Variants in AOPEP observed in about 807,000 individuals in gnomAD.
AOPEP encodes the protein aminopeptidase O (putative).
In AOPEP, 77 loss-of-function variants were observed where a neutral mutation model predicts 98.1. The ratio of observed to expected loss-of-function variants is 0.78; its 90% CI spans 0.65 to 0.95. AOPEP has a LOEUF of 0.95. Ranked by LOEUF, AOPEP falls within the 40% of genes least tolerant of loss-of-function variation. The probability of loss-of-function intolerance (pLI) is 0.00; values close to 1 mark genes in which losing one functional copy is unlikely to be tolerated. For synonymous variants in AOPEP, 346 were observed against 365.3 expected, an observed-to-expected ratio of 0.95 and a Z score of 0.60; for missense variants, 1,024 against 1,024.7, an observed-to-expected ratio of 1.00 and a Z score of 0.01.
At chr9:94,793,450 C>T (rs879276585) in intron 4 of AOPEP, among the ~76,000 whole-genome samples, 8 of 152,058 alleles carry the variant, frequency 5.3e-5, no homozygotes, top group Non-Finnish European at 1.2e-4. Flanking sequence ...GAGGCTGAGG[C>T]GGGTCGATCA....
intron 5 of AOPEP, among the ~76,000 whole-genome samples, chr9:94,837,394 G>T (rs2041742600): frequency 6.6e-6 from 1 of 152,184 alleles, no homozygotes; most frequent in Admixed American, 6.5e-5. Context: ...AATCCTCTCT[G>T]CATGATTCTA....
chr9:95,135,540 G>A, the AOPEP span: 1 of 1,590,066 alleles, frequency 6.3e-7, no homozygotes, highest in Non-Finnish European at 8.6e-7. Context: ...AAACAGAAAT[G>A]GCTCACTGAA....
chr9:94,949,400 C>A (rs1216395415), intron 7 of AOPEP, among the ~76,000 whole-genome samples: 2 of 152,216 alleles, frequency 1.3e-5, no homozygotes, highest in African/African-American at 2.4e-5. Flanking sequence ...GCTGAGACTT[C>A]TTATGGGTAC....
chr9:95,033,510 G>T (rs763659085), intron 13 of AOPEP, among the ~76,000 whole-genome samples: 3 of 152,136 alleles, frequency 2.0e-5, no homozygotes, highest in Non-Finnish European at 4.4e-5. Flanking sequence ...GATTCTTCAT[G>T]TTTAGAAAGG....
rs1405175649 is a variant in AOPEP at position 94,993,566 on chromosome 9, C to T, written c.1978-11592C>T. On this transcript the variant is annotated intron_variant, in intron 11 of 16. Transcript: ENST00000375315. ...TATTTGGGGTTGAAATGATCAAACCCAGATGCTTTCCTAAAATTATATTTT... is the reference window on the plus strand; with the variant it reads ...TATTTGGGGTTGAAATGATCAAACCTAGATGCTTTCCTAAAATTATATTTT... Among the ~76,000 whole-genome samples, 5 of 152,124 alleles carry T rather than the reference C, an allele frequency of 3.3e-5. No homozygotes were observed. The East Asian group carries it at 9.6e-4, about 29-fold the overall frequency.
At position 94,771,611 on chromosome 9, in the gene AOPEP, G is replaced by A. The variant is rs570840148; in HGVS notation, c.798-1391G>A. 5.3e-5 allele frequency among the ~76,000 whole-genome samples: 8 copies of A among 152,250 alleles called. No homozygotes were observed. In the South Asian group the frequency reaches 1.2e-3, roughly 24 times the overall value. ...TTCCTGCTAGGTTTGGCCAGTGGGGGCCACTGGTGGAAGATTTGAAAGCAG... is the reference window on the plus strand; with the variant it reads ...TTCCTGCTAGGTTTGGCCAGTGGGGACCACTGGTGGAAGATTTGAAAGCAG... On this transcript the variant is annotated intron_variant, in intron 2 of 16. Transcript: ENST00000375315.
intron 1 of AOPEP, among the ~76,000 whole-genome samples, chr9:94,753,203 A>C (rs1409121304): frequency 2.6e-5 from 4 of 152,210 alleles, no homozygotes; most frequent in African/African-American, 9.6e-5. Context: ...TTGTCATGCA[A>C]CAAGTAGAAT....
chr9:94,738,605 G>A (rs112600368), intron 1 of AOPEP, among the ~76,000 whole-genome samples: 32 of 152,142 alleles, frequency 2.1e-4, no homozygotes, highest in African/African-American at 7.0e-4. Context: ...ATGGAGTCTC[G>A]CTCTGTCACC....
chr9:94,981,851 ACTGGTGGAGTTTT>A (rs2060206228), intron 11 of AOPEP, among the ~76,000 whole-genome samples: 2 of 152,148 alleles, frequency 1.3e-5, no homozygotes, highest in Admixed American at 1.3e-4. Context: ...GTCATGTTCT[ACTGGTGGAGTTTT>A]CATTCCACAG....
At chr9:95,018,569 A>G (rs535839047) in intron 13 of AOPEP, among the ~76,000 whole-genome samples, 1 of 152,248 alleles carries the variant, frequency 6.6e-6, no homozygotes, top group Non-Finnish European at 1.5e-5. Context: ...ATTGTGACTC[A>G]GAATCCTCTC....
intron 5 of AOPEP, among the ~76,000 whole-genome samples, chr9:94,874,778 C>G (rs926958777): frequency 2.0e-5 from 3 of 152,124 alleles, no homozygotes; most frequent in African/African-American, 7.2e-5. Context: ...ACGGAAATCT[C>G]TACATATTTT....
intron 5 of AOPEP, among the ~76,000 whole-genome samples, chr9:94,917,572 T>TGA (rs1274951228): frequency 2.6e-5 from 4 of 152,222 alleles, no homozygotes; most frequent in Non-Finnish European, 4.4e-5. Flanking sequence ...AAGCCTCCTC[T>TGA]GAGAGCACTT....
At chr9:94,750,893 G>A (rs924884092) in intron 1 of AOPEP, among the ~76,000 whole-genome samples, 7 of 151,034 alleles carry the variant, frequency 4.6e-5, no homozygotes, top group Non-Finnish European at 8.9e-5. Flanking sequence ...GACTACAGGC[G>A]CCTGCCACCA....
intron 13 of AOPEP, among the ~76,000 whole-genome samples, chr9:95,033,493 T>C (rs2064507997): frequency 6.6e-6 from 1 of 152,192 alleles, no homozygotes; most frequent in Admixed American, 6.5e-5. Flanking sequence ...TCTCCATCAG[T>C]CGGTGTGATT....
intron 11 of AOPEP, among the ~76,000 whole-genome samples, chr9:94,987,244 G>A (rs936581385): frequency 6.6e-6 from 1 of 152,368 alleles, no homozygotes; most frequent in South Asian, 2.1e-4. Context: ...GTAGTGGAAA[G>A]CTTAGTGTTC....
chr9:94,874,146 A>G (rs1197808446), intron 5 of AOPEP, among the ~76,000 whole-genome samples: 1 of 152,202 alleles, frequency 6.6e-6, no homozygotes, highest in African/African-American at 2.4e-5. Flanking sequence ...GAGTCATTAG[A>G]TATGATTATA....
chr9:95,110,155 G>C, the AOPEP span: 111 of 731,752 alleles, frequency 1.5e-4, no homozygotes, highest in Middle Eastern at 7.0e-4. Context: ...ACTACGCAAG[G>C]GTTTTATTTT....
intron 14 of AOPEP, among the ~76,000 whole-genome samples, chr9:95,070,532 A>T (rs1281097555): frequency 6.6e-6 from 1 of 152,244 alleles, no homozygotes; most frequent in Non-Finnish European, 1.5e-5. Flanking sequence ...CTAACTGTGC[A>T]TTATAATTTC....
rs143275193 is a variant in AOPEP at position 94,919,775 on chromosome 9, C to T, written c.1365-4211C>T. The stretch of plus-strand genomic sequence containing the variant: ...TTAGCAAGTAATGAAGTCACACAAG[C>T]AGAAGCTGCTGCTCATGATTATAAG... On this transcript the variant is annotated intron_variant, in intron 5 of 16. Transcript: ENST00000375315. Among the ~76,000 whole-genome samples the T allele has an allele frequency of 1.3e-5, 2 of 152,142 alleles. 1 individual carries two copies. Among genetic ancestry groups the T allele is most frequent in the Admixed American group, 1.3e-4 (2 of 15,278 alleles).
Sources: allele counts gnomAD v4.1 joint callset (sites outside exome capture counted in the v4.1 genomes callset), GRCh38; gene constraint gnomAD v4.1.1; transcripts MANE v1.5; gene names NCBI Gene and HGNC (gene_info 2026-07-23, HGNC 2026-07-21).